RTL4: variants seen among roughly 807,000 people sequenced by gnomAD.
RTL4 encodes the protein retrotransposon Gag like 4, also known as retrotransposon Gag-like protein 4.
A neutral mutation model predicts 5.3 loss-of-function variants in RTL4; 4 were observed. The ratio of observed to expected loss-of-function variants is 0.75; its 90% CI spans 0.37 to 1.72. The LOEUF is 1.72. RTL4 is among the 40% of genes most tolerant of loss of function. The probability of loss-of-function intolerance (pLI) is 0.04; values close to 1 mark genes in which losing one functional copy is unlikely to be tolerated. For missense variants in RTL4, 260 were observed against 227.1 expected (o/e 1.14, Z -0.93); for synonymous variants, 98 against 87.3 (o/e 1.12, Z -0.68).
the RTL4 span, among the ~76,000 whole-genome samples, chrX:112,229,049 T>C: frequency 2.7e-5 from 3 of 111,824 alleles, no homozygotes; most frequent in Non-Finnish European, 5.6e-5. Flanking sequence ...AGGGAAAAAA[T>C]AACTGCCTCC....
At chrX:112,399,002 T>A in the RTL4 span, among the ~76,000 whole-genome samples, 7 of 112,475 alleles carry the variant, frequency 6.2e-5, no homozygotes, top group East Asian at 2.0e-3. Flanking sequence ...GACAGGCTAT[T>A]GAGATTTTCT....
the RTL4 span, among the ~76,000 whole-genome samples, chrX:112,201,052 A>C: frequency 0.015 from 1,641 of 111,911 alleles, 32 homozygotes; most frequent in African/African-American, 0.05. Flanking sequence ...ATTGACTTAC[A>C]GTTCAGCACT....
chrX:112,112,031 C>T, the RTL4 span, among the ~76,000 whole-genome samples: 2 of 111,936 alleles, frequency 1.8e-5, no homozygotes, highest in African/African-American at 6.5e-5. Context: ...CCATTTACAT[C>T]ATGAGTATTC....
the RTL4 span, among the ~76,000 whole-genome samples, chrX:112,323,209 A>G: frequency 3.6e-5 from 4 of 111,943 alleles, no homozygotes; most frequent in South Asian, 1.5e-3. Context: ...TTATTGTGTT[A>G]CCTCATTTTA....
chrX:112,381,397 G>A, the RTL4 span: 5 of 1,207,501 alleles, frequency 4.1e-6, no homozygotes, highest in South Asian at 8.8e-5. Flanking sequence ...CGGAAATGAC[G>A]GATCTGAACA....
At chrX:112,120,338 G>T in the RTL4 span, among the ~76,000 whole-genome samples, 1 of 112,008 alleles carries the variant, frequency 8.9e-6, no homozygotes, top group South Asian at 3.7e-4. Context: ...GTGCAGTGGC[G>T]CTATCTCAGC....
the RTL4 span, among the ~76,000 whole-genome samples, chrX:112,137,249 T>A: frequency 8.9e-6 from 1 of 111,952 alleles, no homozygotes; most frequent in Non-Finnish European, 1.9e-5. Context: ...TATATGAAAA[T>A]GTGCTCAACA....
the RTL4 span, among the ~76,000 whole-genome samples, chrX:112,344,987 C>T: frequency 1.8e-5 from 2 of 111,629 alleles, no homozygotes; most frequent in African/African-American, 6.5e-5. Flanking sequence ...TTACTCACTA[C>T]TGCAAGAATA....
At chrX:112,100,037 A>T in the RTL4 span, among the ~76,000 whole-genome samples, 1 of 112,144 alleles carries the variant, frequency 8.9e-6, no homozygotes, top group Non-Finnish European at 1.9e-5. Flanking sequence ...AAATCAACTC[A>T]ATTTTGGGAT....
the RTL4 span, among the ~76,000 whole-genome samples, chrX:112,088,143 G>A: frequency 9.2e-6 from 1 of 109,064 alleles, no homozygotes; most frequent in Non-Finnish European, 1.9e-5. Flanking sequence ...GAGACACCGC[G>A]CCTGGCTCCA....
the RTL4 span, among the ~76,000 whole-genome samples, chrX:112,252,335 A>G: frequency 8.9e-6 from 1 of 112,200 alleles, no homozygotes; most frequent in African/African-American, 3.2e-5. Context: ...GAGCTTGGGA[A>G]GTGTTTGCTT....
the RTL4 span, among the ~76,000 whole-genome samples, chrX:112,084,568 C>G: frequency 4.5e-5 from 5 of 110,917 alleles, no homozygotes; most frequent in African/African-American, 9.8e-5. Flanking sequence ...TGTGAACCAG[C>G]AAACTAATAT....
chrX:112,333,075 C>G, the RTL4 span, among the ~76,000 whole-genome samples: 8 of 108,531 alleles, frequency 7.4e-5, no homozygotes, highest in Non-Finnish European at 1.5e-4. Flanking sequence ...TCTGGTTACT[C>G]CTTCAATGGT....
At chrX:112,107,093 T>C in the RTL4 span, among the ~76,000 whole-genome samples, 1 of 111,514 alleles carries the variant, frequency 9.0e-6, no homozygotes, top group South Asian at 3.7e-4. Flanking sequence ...TTACTATAGG[T>C]TTTTGCTTTG....
At chrX:112,445,179 G>A in the RTL4 span, among the ~76,000 whole-genome samples, 1 of 68,371 alleles carries the variant, frequency 1.5e-5, no homozygotes, top group Non-Finnish European at 2.6e-5. Context: ...CCTGTGACGG[G>A]TGTGAAGGGA....
the RTL4 span, among the ~76,000 whole-genome samples, chrX:112,108,169 T>C: frequency 8.9e-6 from 1 of 111,943 alleles, no homozygotes; most frequent in African/African-American, 3.2e-5. Flanking sequence ...TATTTTAATC[T>C]CTCCATTAAA....
At chrX:112,198,524 T>C in the RTL4 span, among the ~76,000 whole-genome samples, 5 of 112,102 alleles carry the variant, frequency 4.5e-5, no homozygotes, top group Admixed American at 9.5e-5. Context: ...CAGTTTCTAA[T>C]GTTACAAAAG....
At chrX:112,446,108 C>T in the RTL4 span, among the ~76,000 whole-genome samples, 1 of 112,086 alleles carries the variant, frequency 8.9e-6, no homozygotes, top group Non-Finnish European at 1.9e-5. Flanking sequence ...CCAGAATCTG[C>T]TCTGTTTTTC....
chrX:112,337,693 C>T, the RTL4 span, among the ~76,000 whole-genome samples: 2 of 111,737 alleles, frequency 1.8e-5, no homozygotes, highest in Non-Finnish European at 1.9e-5. Flanking sequence ...AGTTTTAATT[C>T]TCTAAGAATG....
Sources: gnomAD v4.1 joint callset for allele counts (sites outside exome capture counted in the v4.1 genomes callset) on GRCh38, gnomAD v4.1.1 for gene constraint, MANE v1.5 for transcripts, NCBI Gene and HGNC (gene_info 2026-07-23, HGNC 2026-07-21) for gene names.